RANBP17: variants seen among roughly 807,000 people sequenced by gnomAD.
The protein encoded by RANBP17 is RAN binding protein 17.
A neutral mutation model predicts 141.2 loss-of-function variants in RANBP17; 158 were observed. The ratio of observed to expected loss-of-function variants is 1.12; its 90% CI spans 0.98 to 1.28. The LOEUF (loss-of-function observed/expected upper bound fraction) is 1.28. Ranked by LOEUF, RANBP17 falls within the 50% of genes most tolerant of loss-of-function variation. The pLI is 0.00. For synonymous variants in RANBP17, 430 were observed against 450.0 expected (o/e 0.96, Z 0.56); for missense variants, 1,438 against 1,290.7 (o/e 1.11, Z -1.75).
At chr5:171,083,355 A>G (rs1785382977) in intron 14 of RANBP17, among the ~76,000 whole-genome samples, 1 of 152,118 alleles carries the variant, frequency 6.6e-6, no homozygotes, top group African/African-American at 2.4e-5. Context: ...GAGAGAATGA[A>G]AAATTGGTAG....
intron 14 of RANBP17, among the ~76,000 whole-genome samples, chr5:171,059,377 C>T (rs1377366128): frequency 3.9e-5 from 6 of 152,220 alleles, no homozygotes; most frequent in East Asian, 3.8e-4. Context: ...CAGCTTTCTA[C>T]ATATGGCTAG....
intron 14 of RANBP17, among the ~76,000 whole-genome samples, chr5:170,976,009 A>G (rs1261523289): frequency 7.5e-6 from 1 of 133,282 alleles, no homozygotes; most frequent in Non-Finnish European, 1.7e-5. Context: ...AAAACAAAAC[A>G]AAAAGGCATC....
chr5:170,940,627 A>G (rs1445327227), intron 12 of RANBP17, among the ~76,000 whole-genome samples: 1 of 152,152 alleles, frequency 6.6e-6, no homozygotes, highest in Non-Finnish European at 1.5e-5. Flanking sequence ...GTGCAGGGAG[A>G]AATGGACAGA....
At chr5:171,256,494 C>T (rs181878280) in intron 24 of RANBP17, among the ~76,000 whole-genome samples, 78 of 152,194 alleles carry the variant, frequency 5.1e-4, no homozygotes, top group Non-Finnish European at 6.9e-4. Context: ...TCTGACAGTG[C>T]ACCTCAGGGA....
At chr5:170,892,007 G>A (rs572876387) in intron 3 of RANBP17, among the ~76,000 whole-genome samples, 2 of 152,142 alleles carry the variant, frequency 1.3e-5, no homozygotes, top group East Asian at 3.9e-4. Context: ...TAAAAGAACT[G>A]TATAAATAAA....
At chr5:171,194,833 C>A (rs1268031543) in intron 18 of RANBP17, among the ~76,000 whole-genome samples, 1 of 152,158 alleles carries the variant, frequency 6.6e-6, no homozygotes, top group African/African-American at 2.4e-5. Flanking sequence ...TTTTACATTT[C>A]CACCCCTGGA....
At chr5:171,280,579 T>C (rs1395367094) in intron 25 of RANBP17, among the ~76,000 whole-genome samples, 2 of 152,168 alleles carry the variant, frequency 1.3e-5, no homozygotes, top group African/African-American at 4.8e-5. Context: ...TGGCCTTAAC[T>C]CATGGAAAGT....
At chr5:171,207,758 G>A (rs1427705036) in intron 20 of RANBP17, 1 of 152,136 alleles carries the variant, frequency 6.6e-6, no homozygotes, top group Non-Finnish European at 1.5e-5. Flanking sequence ...ATGATAAATG[G>A]TGTTCATTCA....
At chr5:171,111,597 A>C (rs1755238521) in intron 14 of RANBP17, among the ~76,000 whole-genome samples, 1 of 152,130 alleles carries the variant, frequency 6.6e-6, no homozygotes, top group South Asian at 2.1e-4. Context: ...TCCAAGACCT[A>C]GCCCAAAACA....
intron 13 of RANBP17, among the ~76,000 whole-genome samples, chr5:170,957,554 G>A (rs1158293404): frequency 6.6e-6 from 1 of 152,136 alleles, no homozygotes; most frequent in African/African-American, 2.4e-5. Flanking sequence ...TCCCAACTGA[G>A]GTTGAACAAG....
intron 14 of RANBP17, among the ~76,000 whole-genome samples, chr5:170,991,868 TGAAA>T (rs540355586): frequency 3.3e-5 from 5 of 152,140 alleles, no homozygotes; most frequent in Admixed American, 3.3e-4. Context: ...AAATTCTCTT[TGAAA>T]GAATTATGTG....
intron 14 of RANBP17, among the ~76,000 whole-genome samples, chr5:171,064,736 G>T (rs1338558038): frequency 6.6e-6 from 1 of 151,876 alleles, no homozygotes; most frequent in Non-Finnish European, 1.5e-5. Context: ...GCGTAGGCTG[G>T]TGTCGAACTC....
intron 14 of RANBP17, among the ~76,000 whole-genome samples, chr5:171,099,453 A>G (rs190590465): frequency 1.2e-3 from 181 of 152,270 alleles, no homozygotes; most frequent in African/African-American, 2.5e-3. Context: ...CGTTGATTTT[A>G]TATCCTGAGA....
At chr5:171,257,949 T>C (rs1257973851) in intron 24 of RANBP17, among the ~76,000 whole-genome samples, 1 of 151,660 alleles carries the variant, frequency 6.6e-6, no homozygotes. Flanking sequence ...CTACTAAAAA[T>C]ACAAAATTAG....
intron 14 of RANBP17, among the ~76,000 whole-genome samples, chr5:171,026,960 CATTAGATTCTCA>C (rs1781272246): frequency 6.6e-6 from 1 of 152,132 alleles, no homozygotes; most frequent in African/African-American, 2.4e-5. Flanking sequence ...TCAGCGACAG[CATTAGATTCTCA>C]TAGGAGGACG....
At chr5:171,057,471 C>G (rs171533) in intron 14 of RANBP17, among the ~76,000 whole-genome samples, 92,581 of 151,624 alleles carry the variant, frequency 0.61, 29,551 homozygotes, top group South Asian at 0.88. Flanking sequence ...CATTTCAATA[C>G]ATAGAGTTCC....
chr5:171,115,644 G>T (rs1755566484), intron 14 of RANBP17, among the ~76,000 whole-genome samples: 1 of 152,168 alleles, frequency 6.6e-6, no homozygotes, highest in Admixed American at 6.5e-5. Flanking sequence ...TGCTTTGTAG[G>T]TCTGCCTTAC....
At chr5:171,039,564 T>C (rs1399309280) in intron 14 of RANBP17, among the ~76,000 whole-genome samples, 1 of 152,154 alleles carries the variant, frequency 6.6e-6, no homozygotes, top group African/African-American at 2.4e-5. Context: ...ACTTTTGCTG[T>C]GTAGAAACTC....
intron 3 of RANBP17, among the ~76,000 whole-genome samples, chr5:170,882,242 C>G (rs958745515): frequency 1.3e-5 from 2 of 152,036 alleles, no homozygotes; most frequent in African/African-American, 4.8e-5. Flanking sequence ...CTACCACACC[C>G]AGCTAATTTT....
Sources: allele counts gnomAD v4.1 joint callset (sites outside exome capture counted in the v4.1 genomes callset), GRCh38; gene constraint gnomAD v4.1.1; transcripts MANE v1.5; gene names NCBI Gene and HGNC (gene_info 2026-07-23, HGNC 2026-07-21).